The following STK24 variants were observed in gnomAD, a reference collection of about 807,000 sequenced individuals.
The protein encoded by STK24 is serine/threonine-protein kinase 24.
In STK24, 21 loss-of-function variants were observed where a neutral mutation model predicts 55.6. The observed-to-expected ratio is 0.38, with a 90% CI of 0.27 to 0.54. The LOEUF (loss-of-function observed/expected upper bound fraction) is 0.54. Among genes scored for constraint, STK24 ranks in the 20% least tolerant of loss-of-function variants. The pLI is 0.79. For synonymous variants in STK24, 200 were observed against 215.2 expected (o/e 0.93, Z 0.62); for missense variants, 383 against 538.4 (o/e 0.71, Z 2.86).
chr13:98,465,049 A>G (rs1893877711), intron 6 of STK24, among the ~76,000 whole-genome samples: 1 of 152,104 alleles, frequency 6.6e-6, no homozygotes, highest in African/African-American at 2.4e-5. Flanking sequence ...TGGCCACCGC[A>G]AGCAGCACCT....
intron 1 of STK24, among the ~76,000 whole-genome samples, chr13:98,535,398 T>C (rs866205401): frequency 6.8e-4 from 97 of 142,790 alleles, no homozygotes; most frequent in African/African-American, 2.5e-3. Flanking sequence ...TATGTGTGTA[T>C]ACACACACAC....
At chr13:98,527,475 GA>G (rs752461993) in intron 1 of STK24, among the ~76,000 whole-genome samples, 1 of 152,204 alleles carries the variant, frequency 6.6e-6, no homozygotes, top group Non-Finnish European at 1.5e-5. Flanking sequence ...CAGTGAGGAC[GA>G]AAGTTAAGAC....
intron 1 of STK24, among the ~76,000 whole-genome samples, chr13:98,525,357 G>T (rs140297586): frequency 6.6e-6 from 1 of 152,330 alleles, no homozygotes; most frequent in African/African-American, 2.4e-5. Flanking sequence ...CAAAGCCTAA[G>T]CCAGGGCAAG....
At chr13:98,535,095 T>C (rs1436894067) in intron 1 of STK24, among the ~76,000 whole-genome samples, 3 of 152,216 alleles carry the variant, frequency 2.0e-5, no homozygotes, top group Middle Eastern at 6.8e-3. Flanking sequence ...ACGCCTGTAA[T>C]CCCAACATTT....
At chr13:98,501,761 T>C (rs1281835269) in intron 2 of STK24, among the ~76,000 whole-genome samples, 1 of 152,214 alleles carries the variant, frequency 6.6e-6, no homozygotes, top group Non-Finnish European at 1.5e-5. Context: ...GTATCATCTC[T>C]ACGGTGAGAT....
chr13:98,457,005 A>G (rs1893489262), intron 10 of STK24, 163 bp downstream of exon 10: 1 of 851,862 alleles, frequency 1.2e-6, no homozygotes, highest in African/African-American at 1.7e-5. Flanking sequence ...ATTGATTTCT[A>G]GAATTCAGAA....
Position 98,543,073 on chromosome 13 carries a change from G to T in STK24, c.43-23600C>A, listed in dbSNP as rs9554479. The T allele has an allele frequency of 4.7e-4, 457 of 967,992 alleles. 8 individuals are homozygous for T. The East Asian group carries it at 0.037, about 79-fold the overall frequency. 60.0% of individuals were successfully genotyped at this position (967,992 alleles called of 1,614,324 possible). On this transcript the variant is annotated intron_variant, in intron 1 of 10. Coordinates refer to ENST00000539966, the MANE Select transcript of STK24 (RefSeq NM_001032296.4). The stretch of plus-strand genomic sequence containing the variant: ...ACAGGTGCCAGCAAAGGCCAAGGGA[G>T]GGGGGAGAGGCCGCAGCTCCGCTCC...
At chr13:98,505,246 T>C (rs1158138009) in intron 2 of STK24, among the ~76,000 whole-genome samples, 3 of 152,208 alleles carry the variant, frequency 2.0e-5, no homozygotes, top group African/African-American at 7.2e-5. Context: ...ACAGCAAACA[T>C]AATAGCAATT....
rs1892894884 is a variant in STK24 at position 98,447,086 on chromosome 13, G to A, written c.*6087C>T. On this transcript the variant is annotated 3_prime_UTR_variant, in exon 11 of 11. Coordinates refer to ENST00000539966, the MANE Select transcript of STK24 (RefSeq NM_001032296.4). ...GGAGATCTCTGACATAACGTGTCCG[G>A]GATGATGAAGCTAAGCCCCAGTGAG... is the stretch of plus-strand genomic sequence containing the variant. The A allele has an allele frequency of 2.5e-6, 1 of 400,462 alleles. No individual in the cohort carries two copies. The highest frequency in any genetic ancestry group is 2.0e-5 in the African/African-American group (1 of 49,750). 24.8% of individuals were successfully genotyped at this position (400,462 alleles called of 1,614,324 possible). A position where few individuals can be genotyped will look rare whatever the true frequency, so the allele number is the denominator to read the frequency against.
At chr13:98,532,487 A>C (rs1225295263) in intron 1 of STK24, among the ~76,000 whole-genome samples, 1 of 149,502 alleles carries the variant, frequency 6.7e-6, no homozygotes, top group African/African-American at 2.5e-5. Flanking sequence ...CCACACACAC[A>C]CATCCCATAC....
rs1380066945 is a variant in STK24, at chr13:98,446,610, GC to G, written c.*6562del. On this transcript the variant is annotated 3_prime_UTR_variant, in exon 11 of 11. Transcript: ENST00000539966. The stretch of plus-strand genomic sequence containing the variant: ...CTGTCTGATGCGGGGCAGCAGCCAG[GC>G]CCAGCAGCAGAAGCTGACCCCGAAA... 9 of 1,584,188 alleles carry G rather than the reference GC, an allele frequency of 5.7e-6. No homozygotes were observed. The highest frequency in any genetic ancestry group is 7.8e-6 in the Non-Finnish European group (9 of 1,157,032).
At chr13:98,470,073 G>A (rs1698275548) in intron 5 of STK24, among the ~76,000 whole-genome samples, 1 of 152,222 alleles carries the variant, frequency 6.6e-6, no homozygotes, top group Non-Finnish European at 1.5e-5. Context: ...TCAACAATGT[G>A]TTGATAGGGA....
chr13:98,518,155 T>C (rs1309135259), intron 2 of STK24, among the ~76,000 whole-genome samples: 4 of 152,248 alleles, frequency 2.6e-5, no homozygotes, highest in African/African-American at 9.6e-5. Context: ...ACTGCTGTCC[T>C]TTACACAAGG....
At chr13:98,524,799 GGACCAA>G (rs1896375698) in intron 1 of STK24, among the ~76,000 whole-genome samples, 1 of 152,190 alleles carries the variant, frequency 6.6e-6, no homozygotes, top group African/African-American at 2.4e-5. Context: ...CCTTTTGCCT[GGACCAA>G]GACGGCTTAG....
At chr13:98,543,073 G>C (rs9554479) in intron 1 of STK24, 48 of 967,994 alleles carry the variant, frequency 5.0e-5, no homozygotes, top group African/African-American at 3.5e-4. Flanking sequence ...GGCCAAGGGA[G>C]GGGGGAGAGG....
chr13:98,456,197 C>G, intron 10 of STK24: 1 of 205,916 alleles, frequency 4.9e-6, no homozygotes, highest in South Asian at 6.6e-5. Context: ...GCTGTCCCCA[C>G]GTAGAGGGGC....
chr13:98,456,760 G>C (rs573543868), intron 10 of STK24: 120 of 354,150 alleles, frequency 3.4e-4, no homozygotes, highest in African/African-American at 2.4e-3. Context: ...CGCTCCCGCT[G>C]AGTTGACCAC....
intron 2 of STK24, among the ~76,000 whole-genome samples, chr13:98,483,633 G>C (rs997979393): frequency 1.3e-5 from 2 of 152,044 alleles, no homozygotes; most frequent in African/African-American, 4.8e-5. Flanking sequence ...CCCACGCCCT[G>C]GGCAAACTTT....
intron 8 of STK24, 21 bp from the exon 9 acceptor site, chr13:98,460,461 A>G (rs751979945): frequency 1.2e-6 from 2 of 1,600,310 alleles, no homozygotes; most frequent in Admixed American, 1.7e-5. Flanking sequence ...AGGGAAAAAA[A>G]GGTCATCAGA....
Sources: allele counts gnomAD v4.1 joint callset (sites outside exome capture counted in the v4.1 genomes callset), GRCh38; gene constraint gnomAD v4.1.1; transcripts MANE v1.5; gene names NCBI Gene and HGNC (gene_info 2026-07-23, HGNC 2026-07-21).